HRH1: variants seen among roughly 807,000 people sequenced by gnomAD.
HRH1 encodes the protein histamine receptor H1.
A neutral mutation model predicts 10.3 loss-of-function variants in HRH1; 6 were observed. That is an observed-to-expected ratio of 0.58 (90% CI 0.32 to 1.15). HRH1 has a LOEUF of 1.15. Among genes scored for constraint, HRH1 ranks in the 50% most tolerant of loss-of-function variants. The probability of loss-of-function intolerance (pLI) is 0.05; values close to 1 mark genes in which losing one functional copy is unlikely to be tolerated. For missense variants in HRH1, 514 were observed against 615.3 expected, an observed-to-expected ratio of 0.84 and a Z score of 1.74; for synonymous variants, 242 against 236.7, an observed-to-expected ratio of 1.02 and a Z score of -0.21.
chr3:11,176,002 A>C (rs895163339), intron 1 of HRH1, among the ~76,000 whole-genome samples: 1 of 152,000 alleles, frequency 6.6e-6, no homozygotes. Context: ...CTCCAAAAAA[A>C]AATAAATAAA....
At chr3:11,250,974 A>G (rs1284288867) in intron 1 of HRH1, among the ~76,000 whole-genome samples, 5 of 152,186 alleles carry the variant, frequency 3.3e-5, no homozygotes, top group Admixed American at 2.6e-4. Flanking sequence ...GAGTTCCTTG[A>G]TGTAGCTGTG....
intron 1 of HRH1, among the ~76,000 whole-genome samples, chr3:11,175,917 G>T (rs962449136): frequency 2.6e-5 from 4 of 152,138 alleles, no homozygotes; most frequent in African/African-American, 7.2e-5. Context: ...CTAGCACTTT[G>T]GGAGGCCAAG....
At chr3:11,258,588 A>T (rs1370992717) in intron 1 of HRH1, among the ~76,000 whole-genome samples, 1 of 152,002 alleles carries the variant, frequency 6.6e-6, no homozygotes, top group Non-Finnish European at 1.5e-5. Context: ...TCTCATGGTC[A>T]CTCCTCTATC....
At chr3:11,145,502 G>T (rs1936419944) in intron 1 of HRH1, among the ~76,000 whole-genome samples, 1 of 152,110 alleles carries the variant, frequency 6.6e-6, no homozygotes, top group South Asian at 2.1e-4. Context: ...TCTCATAGTG[G>T]GGCTGCCTGC....
At chr3:11,209,922 G>A (rs144112127) in intron 1 of HRH1, among the ~76,000 whole-genome samples, 1 of 152,258 alleles carries the variant, frequency 6.6e-6, no homozygotes, top group East Asian at 1.9e-4. Context: ...CTGGCATTAG[G>A]GACCTTGTCT....
intron 1 of HRH1, among the ~76,000 whole-genome samples, chr3:11,163,099 C>T (rs1936957750): frequency 6.6e-6 from 1 of 152,062 alleles, no homozygotes; most frequent in South Asian, 2.1e-4. Flanking sequence ...TGCCTTCTTG[C>T]CCTTCTGATC....
chr3:11,163,125 A>C (rs1169371150), intron 1 of HRH1, among the ~76,000 whole-genome samples: 1 of 152,064 alleles, frequency 6.6e-6, no homozygotes, highest in Non-Finnish European at 1.5e-5. Context: ...AGAGGTGGTC[A>C]CTGCTGCATC....
At chr3:11,237,733 T>A (rs1006531387) in intron 1 of HRH1, among the ~76,000 whole-genome samples, 16 of 141,008 alleles carry the variant, frequency 1.1e-4, no homozygotes, top group Admixed American at 4.8e-4. Flanking sequence ...TGGAGTGCAG[T>A]GGCGTGATCT....
In HRH1 at chr3:11,260,223, T is replaced by C. The variant is rs757757563; in HGVS notation, c.1186T>C (p.Ser396Pro). 6.2e-6 allele frequency: 10 copies of C among 1,613,958 alleles called. No homozygotes were observed. Among genetic ancestry groups the C allele is most frequent in the Non-Finnish European group, 8.5e-6 (10 of 1,180,044 alleles). The change falls in exon 2 of 2, where the codon TCG (serine) becomes CCG (proline). Residue 396 changes from serine to proline, a missense_variant. Ser to Pro is a moderately conservative substitution (Grantham distance 74, BLOSUM62 -1). Transcript: ENST00000431010. ...CAAGTTTACTTGGAAGAGGCTCCGC[T>C]CGCATTCAAGACAGTATGTATCTGG... ...YIKFTWKRLRSHSRQYVSGLH... is the reference protein window; with the variant it reads ...YIKFTWKRLRPHSRQYVSGLH...
At chr3:11,160,388 A>G (rs969820163) in intron 1 of HRH1, among the ~76,000 whole-genome samples, 1 of 152,208 alleles carries the variant, frequency 6.6e-6, no homozygotes, top group African/African-American at 2.4e-5. Context: ...TAACAATGCT[A>G]TGAGGTAGTT....
At chr3:11,197,349 C>T (rs1937701839) in intron 1 of HRH1, among the ~76,000 whole-genome samples, 2 of 152,152 alleles carry the variant, frequency 1.3e-5, no homozygotes, top group Admixed American at 1.3e-4. Context: ...TGAGGGCTGG[C>T]ACCCTGGATG....
intron 1 of HRH1, among the ~76,000 whole-genome samples, chr3:11,224,419 C>T (rs1473600500): frequency 6.6e-6 from 1 of 152,118 alleles, no homozygotes; most frequent in Non-Finnish European, 1.5e-5. Context: ...GTTGGAGGGC[C>T]GGGCGCGGTG....
At chr3:11,193,204 T>C (rs1937581092) in intron 1 of HRH1, among the ~76,000 whole-genome samples, 1 of 152,218 alleles carries the variant, frequency 6.6e-6, no homozygotes, top group Admixed American at 6.5e-5. Flanking sequence ...TTCAGAAATA[T>C]CCCATATGCA....
chr3:11,213,996 G>T (rs904255142), intron 1 of HRH1, among the ~76,000 whole-genome samples: 2 of 152,170 alleles, frequency 1.3e-5, no homozygotes, highest in Non-Finnish European at 2.9e-5. Context: ...TCTGAGGTGG[G>T]CCTGGGGCCG....
chr3:11,202,535 T>G (rs1937968771), intron 1 of HRH1, among the ~76,000 whole-genome samples: 1 of 152,236 alleles, frequency 6.6e-6, no homozygotes, highest in Non-Finnish European at 1.5e-5. Flanking sequence ...CTATGTGGTA[T>G]TGACCTCCTG....
chr3:11,154,961 G>T lies in HRH1; in HGVS notation c.-36+407G>T, dbSNP rs116061933. Among the ~76,000 whole-genome samples the T allele has an allele frequency of 1.8e-3, 274 of 152,334 alleles. No homozygotes were observed. The highest frequency in any genetic ancestry group is 6.3e-3 in the African/African-American group (264 of 41,586). The stretch of plus-strand genomic sequence containing the variant: ...CCCATTGGTTGAGTGCGTTCACTGT[G>T]CCAGGCTTTGGGCATCCATTATCTG... On this transcript the variant is annotated intron_variant, in intron 1 of 1. Coordinates refer to ENST00000431010, the MANE Select transcript of HRH1 (RefSeq NM_001098212.2). The surrounding 1 kb of genome is among the most constrained non-coding windows in gnomAD (Gnocchi z 4.4).
intron 1 of HRH1, among the ~76,000 whole-genome samples, chr3:11,169,749 TG>T: frequency 6.6e-6 from 1 of 152,360 alleles, no homozygotes; most frequent in East Asian, 1.9e-4. Flanking sequence ...ACGAAGCTGA[TG>T]AGCCTTCTGG....
Position 11,237,657 on chromosome 3 carries a change from TCTTTTC to T in HRH1, c.-35-21340_-35-21335del, listed in dbSNP as rs1939217977. 2.2e-5 allele frequency among the ~76,000 whole-genome samples: 3 copies of T among 139,296 alleles called. No homozygotes were observed. In the East Asian group the frequency reaches 6.6e-4, roughly 31 times the overall value. 91.4% of individuals were successfully genotyped at this position (139,296 alleles called of 152,430 possible). ...ATCCTGAAAATATTTCTTTTCTTTTTCTTTTCCTTTTTTTTTTTTTTTTTTTTTTTT... is the reference window on the plus strand; with the variant it reads ...ATCCTGAAAATATTTCTTTTCTTTTTCTTTTTTTTTTTTTTTTTTTTTTTT... On this transcript the variant is annotated intron_variant, in intron 1 of 1. Coordinates refer to ENST00000431010, the MANE Select transcript of HRH1 (RefSeq NM_001098212.2).
chr3:11,187,224 C>G (rs1223218307), intron 1 of HRH1, among the ~76,000 whole-genome samples: 1 of 152,042 alleles, frequency 6.6e-6, no homozygotes, highest in Non-Finnish European at 1.5e-5. Context: ...AACAGAATTA[C>G]TAATACTTAA....
Sources: gnomAD v4.1 joint callset for allele counts (sites outside exome capture counted in the v4.1 genomes callset) on GRCh38, gnomAD v4.1.1 for gene constraint, Gnocchi (gnomAD v3.1) non-coding constraint, MANE v1.5 for transcripts, NCBI Gene and HGNC (gene_info 2026-07-23, HGNC 2026-07-21) for gene names.